TRMU: variants seen among roughly 807,000 people sequenced by gnomAD.
TRMU encodes tRNA mitochondrial 2-thiouridylase.
In TRMU, 49 loss-of-function variants were observed where a neutral mutation model predicts 46.9. The observed-to-expected ratio is 1.05, with a 90% CI of 0.83 to 1.33. TRMU has a LOEUF of 1.33. Among genes scored for constraint, TRMU ranks in the 40% most tolerant of loss-of-function variants. TRMU has a pLI of 0.00. For synonymous variants in TRMU, 241 were observed against 200.9 expected (o/e 1.20, Z -1.69); for missense variants, 572 against 532.4 (o/e 1.07, Z -0.73).
At position 46,346,557 on chromosome 22, in the gene TRMU, G is replaced by C; in HGVS notation, c.478+13G>C. On this transcript the variant is annotated intron_variant, in intron 4 of 10. Coordinates refer to ENST00000645190, the MANE Select transcript of TRMU (RefSeq NM_018006.5). ...GAAGTTAGAAATGGTAAGTTCATGTGCCCAGGTCAGAGCCAAATTCTTGTG... is the reference window on the plus strand; with the variant it reads ...GAAGTTAGAAATGGTAAGTTCATGTCCCCAGGTCAGAGCCAAATTCTTGTG... 1 of 1,607,428 alleles carries C rather than the reference G, an allele frequency of 6.2e-7. No individual in the cohort carries two copies. The highest frequency in any genetic ancestry group is 1.1e-5 in the South Asian group (1 of 90,460).
At position 46,350,364 on chromosome 22, in the gene TRMU, C is replaced by A. The variant is rs35772382; in HGVS notation, c.552C>A (p.Ala184=). 4 of 1,614,070 alleles carry A rather than the reference C, an allele frequency of 2.5e-6. No homozygotes were observed. In the African/African-American group the frequency reaches 4.0e-5, roughly 16 times the overall value. ...TFFLSQVSQD[A]LRRTIFPLGG... The stretch of plus-strand genomic sequence containing the variant: ...TTCTCAGCCAGGTTTCCCAGGATGC[C>A]CTGAGGAGAACCATCTTCCCTCTGG... The change falls in exon 5 of 11, where the codon GCC becomes GCA. Residue 184 remains alanine, a synonymous_variant. Transcript: ENST00000645190. The surrounding 1 kb of genome is among the most constrained non-coding windows in gnomAD (Gnocchi z 4.6).
rs2078053679 is a variant in TRMU, at chr22:46,339,067, C to T, written c.248+1123C>T. Among the ~76,000 whole-genome samples the T allele has an allele frequency of 6.6e-6, 1 of 150,948 alleles. No individual in the cohort carries two copies. The highest frequency in any genetic ancestry group is 2.5e-5 in the African/African-American group (1 of 40,254). On this transcript the variant is annotated intron_variant, in intron 2 of 10. Transcript: ENST00000645190. This position sits in a 1 kb window ranked among gnomAD's most constrained non-coding sequence, Gnocchi z 4.8. ...TAAAATGAGGATAACACTGATGCCT[C>T]ACAGGGTTATGAAAGAATTGAGATT... is the stretch of plus-strand genomic sequence containing the variant.
Position 46,355,607 on chromosome 22 carries a change from C to T in TRMU, c.1018+19C>T. On this transcript the variant is annotated intron_variant, in intron 9 of 10. Transcript: ENST00000645190. ...GCACTAGGTGACTGACGGGAGGGCT[C>T]CTGAGGACGGGCCCCTTGAAGCTGA... The T allele has an allele frequency of 1.2e-6, 2 of 1,613,194 alleles. No individual in the cohort carries two copies. The highest frequency in any genetic ancestry group is 1.7e-6 in the Non-Finnish European group (2 of 1,180,000).
At position 46,338,626 on chromosome 22, in the gene TRMU, G is replaced by T. The variant is rs183412098; in HGVS notation, c.248+682G>T. Among the ~76,000 whole-genome samples the T allele has an allele frequency of 6.6e-6, 1 of 152,334 alleles. No homozygotes were observed. Among genetic ancestry groups the T allele is most frequent in the East Asian group, 1.9e-4 (1 of 5,180 alleles). ...CAAGAAGGCTTCACCGGAGAGGAGGGGTTGCAAACAAAGTTGTAGAGAAGG... is the reference window on the plus strand; with the variant it reads ...CAAGAAGGCTTCACCGGAGAGGAGGTGTTGCAAACAAAGTTGTAGAGAAGG... On this transcript the variant is annotated intron_variant, in intron 2 of 10. Coordinates refer to ENST00000645190, the MANE Select transcript of TRMU (RefSeq NM_018006.5). This position sits in a 1 kb window ranked among gnomAD's most constrained non-coding sequence, Gnocchi z 4.5.
At chr22:46,355,270 A>G in intron 8 of TRMU, 174 bp from the exon 9 acceptor site, 1 of 1,011,456 alleles carries the variant, frequency 9.9e-7, no homozygotes, top group Non-Finnish European at 1.4e-6. Flanking sequence ...TGGGGATTCA[A>G]AGGCCCGGCG....
chr22:46,351,847 G>C lies in TRMU; in HGVS notation c.652-274G>C. Reference sequence around the variant, plus strand: ...ACAGTGGCCTGAAGGACCTGACCGGGTTCTGCTTTCTTCCCCGGGGCAGCT... The same window carrying C: ...ACAGTGGCCTGAAGGACCTGACCGGCTTCTGCTTTCTTCCCCGGGGCAGCT... On this transcript the variant is annotated intron_variant, in intron 5 of 10. Transcript: ENST00000645190. This position sits in a 1 kb window ranked among gnomAD's most constrained non-coding sequence, Gnocchi z 6.4. 3.6e-6 allele frequency: 2 copies of C among 550,938 alleles called. No individual in the cohort carries two copies. The highest frequency in any genetic ancestry group is 3.8e-5 in the South Asian group (2 of 52,306). The allele number at this position is 550,938 out of a possible 1,614,324, so 34.1% of individuals were successfully genotyped here. A position where few individuals can be genotyped will look rare whatever the true frequency, so the allele number is the denominator to read the frequency against.
rs1006702424 is a variant in TRMU, at chr22:46,348,250, A to G, written c.478+1706A>G. Among the ~76,000 whole-genome samples, 2 of 152,174 alleles carry G rather than the reference A, an allele frequency of 1.3e-5. No homozygotes were observed. Among genetic ancestry groups the G allele is most frequent in the Non-Finnish European group, 2.9e-5 (2 of 68,014 alleles). On this transcript the variant is annotated intron_variant, in intron 4 of 10. Coordinates refer to ENST00000645190, the MANE Select transcript of TRMU (RefSeq NM_018006.5). The surrounding 1 kb of genome is among the most constrained non-coding windows in gnomAD (Gnocchi z 4.8). ...CTTACCTCCTAGAACATTACCTCCT[A>G]GAACACTGTGTGCCCTGCAGAGCCA...
At position 46,353,885 on chromosome 22, in the gene TRMU, T is replaced by G; in HGVS notation, c.873+18T>G. On this transcript the variant is annotated intron_variant, in intron 8 of 10. Coordinates refer to ENST00000645190, the MANE Select transcript of TRMU (RefSeq NM_018006.5). The stretch of plus-strand genomic sequence containing the variant: ...TGTTTGTGGTGAGTGGGCCGGCCTC[T>G]GAGACAGCACTGGGGCTGGTTCTGG... The G allele has an allele frequency of 2.5e-6, 4 of 1,611,154 alleles. No homozygotes were observed. The highest frequency in any genetic ancestry group is 2.5e-6 in the Non-Finnish European group (3 of 1,177,814).
chr22:46,353,933 C>T (rs1279623910), intron 8 of TRMU, 66 bp downstream of exon 8: 4 of 1,515,104 alleles, frequency 2.6e-6, no homozygotes, highest in Non-Finnish European at 3.7e-6. Context: ...TGCTTCCAGA[C>T]CAGGGCTTGA....
chr22:46,351,816 C>T lies in TRMU; in HGVS notation c.652-305C>T, dbSNP rs983837501. ...TGGTCCCTGTCTCTCCCCCACTCCT[C>T]GCAGGACAGTGGCCTGAAGGACCTG... On this transcript the variant is annotated intron_variant, in intron 5 of 10. Transcript: ENST00000645190. This position sits in a 1 kb window ranked among gnomAD's most constrained non-coding sequence, Gnocchi z 6.4. 2.3e-5 allele frequency: 11 copies of T among 482,120 alleles called. No individual in the cohort carries two copies. The highest frequency in any genetic ancestry group is 4.1e-5 in the East Asian group (1 of 24,418). 29.9% of individuals were successfully genotyped at this position (482,120 alleles called of 1,614,324 possible).
chr22:46,335,942 T>A, intron 1 of TRMU, 96 bp downstream of exon 1: 2 of 1,491,506 alleles, frequency 1.3e-6, no homozygotes, highest in South Asian at 2.5e-5. Flanking sequence ...CCTCCCTCCC[T>A]GGGCCGCTGG....
Position 46,356,371 on chromosome 22 carries a change from C to G in TRMU, c.1101+299C>G, listed in dbSNP as rs144613705. On this transcript the variant is annotated intron_variant, in intron 10 of 10. Transcript: ENST00000645190. Reference sequence around the variant, plus strand: ...AAATGGAAGGGGCATGAGGACAGTGCTCAAAGAGGCAGAGGGTCGGGGCCC... The same window carrying G: ...AAATGGAAGGGGCATGAGGACAGTGGTCAAAGAGGCAGAGGGTCGGGGCCC... 185 of 480,768 alleles carry G rather than the reference C, an allele frequency of 3.8e-4. 1 individual carries two copies. Among genetic ancestry groups the G allele is most frequent in the African/African-American group, 2.0e-3 (103 of 51,412 alleles). The allele number at this position is 480,768 out of a possible 1,614,324, so 29.8% of individuals were successfully genotyped here.
intron 3 of TRMU, among the ~76,000 whole-genome samples, chr22:46,343,656 G>C (rs1277559088): frequency 4.6e-5 from 7 of 152,174 alleles, no homozygotes; most frequent in African/African-American, 1.7e-4. Flanking sequence ...GATTACAAGC[G>C]TGAGCCCCTG....
chr22:46,355,504 T>G lies in TRMU; in HGVS notation c.934T>G (p.Trp312Gly). 4 of 1,613,186 alleles carry G rather than the reference T, an allele frequency of 2.5e-6. No homozygotes were observed. Among genetic ancestry groups the G allele is most frequent in the Non-Finnish European group, 3.4e-6 (4 of 1,180,018 alleles). ...CCTGCTGAGGACCAGCCGCGTGCAC[T>G]GGATTGCGGAGGAGCCTCCCGCAGC... Reference protein sequence around the residue: ...RDLLRTSRVHWIAEEPPAALV... With the variant: ...RDLLRTSRVHGIAEEPPAALV... The change falls in exon 9 of 11, where the codon TGG becomes GGG. Residue 312 changes from tryptophan to glycine, a missense_variant. Coordinates refer to ENST00000645190, the MANE Select transcript of TRMU (RefSeq NM_018006.5).
Position 46,350,789 on chromosome 22 carries a change from A to G in TRMU, c.651+326A>G, listed in dbSNP as rs12628072. ...AGGTGAGTGCCAGGCAGTGTGATGC[A>G]GCCCCGAGACCCCTGGAGGGGCAGG... On this transcript the variant is annotated intron_variant, in intron 5 of 10. Transcript: ENST00000645190. The surrounding 1 kb of genome is among the most constrained non-coding windows in gnomAD (Gnocchi z 4.6). 7.7e-3 allele frequency among the ~76,000 whole-genome samples: 1,168 copies of G among 152,242 alleles called. 41 individuals carry two copies. Among genetic ancestry groups the G allele is most frequent in the East Asian group, 0.03 (156 of 5,164 alleles).
chr22:46,355,766 G>A, intron 9 of TRMU, 178 bp downstream of exon 9: 1 of 1,191,352 alleles, frequency 8.4e-7, no homozygotes, highest in African/African-American at 1.5e-5. Context: ...GAGGCCTGGG[G>A]GTGCTGGGAG....
chr22:46,350,548 C>CA lies in TRMU; in HGVS notation c.651+86dup. The CA allele has an allele frequency of 6.6e-7, 1 of 1,523,368 alleles. No homozygotes were observed. The highest frequency in any genetic ancestry group is 9.1e-7 in the Non-Finnish European group (1 of 1,102,946). 94.4% of individuals were successfully genotyped at this position (1,523,368 alleles called of 1,614,324 possible). ...GGAGCAGCTGGACCTGTGGGTCCCG[C>CA]ACCACTTCCCCTTCTCCAGGACCTA... On this transcript the variant is annotated intron_variant, in intron 5 of 10. Coordinates refer to ENST00000645190, the MANE Select transcript of TRMU (RefSeq NM_018006.5). The surrounding 1 kb of genome is among the most constrained non-coding windows in gnomAD (Gnocchi z 4.6).
At chr22:46,340,016 G>T (rs1158304151) in intron 2 of TRMU, among the ~76,000 whole-genome samples, 2 of 152,138 alleles carry the variant, frequency 1.3e-5, no homozygotes, top group East Asian at 3.8e-4. Context: ...AGGAAGTGCT[G>T]TTGCTGGAGA....
At chr22:46,356,763 C>T (rs2078622575) in intron 10 of TRMU, 79 bp from the exon 11 acceptor site, 11 of 1,558,990 alleles carry the variant, frequency 7.1e-6, no homozygotes, top group Non-Finnish European at 8.8e-6. Flanking sequence ...GGCCAGGCCC[C>T]ATAGGGGAGC....
Sources: allele counts gnomAD v4.1 joint callset (sites outside exome capture counted in the v4.1 genomes callset), GRCh38; gene constraint gnomAD v4.1.1; non-coding constraint Gnocchi (gnomAD v3.1); transcripts MANE v1.5; gene names NCBI Gene and HGNC (gene_info 2026-07-23, HGNC 2026-07-21).